The following PAGE2 variants were observed in gnomAD, a reference collection of about 807,000 sequenced individuals.
The protein encoded by PAGE2 is P antigen family member 2.
Under a neutral mutation model 7.5 loss-of-function variants are expected in PAGE2, and 6 were observed. The observed-to-expected ratio is 0.80, with a 90% CI of 0.44 to 1.57. The LOEUF (loss-of-function observed/expected upper bound fraction) is 1.57. Among genes scored for constraint, PAGE2 ranks in the 40% most tolerant of loss-of-function variants. PAGE2 has a pLI of 0.01. For synonymous variants in PAGE2, 22 were observed against 25.4 expected (o/e 0.87, Z 0.41); for missense variants, 72 against 76.4 (o/e 0.94, Z 0.21).
At chrX:55,090,798 T>C (rs3002387) in intron 3 of PAGE2, among the ~76,000 whole-genome samples, 188 bp downstream of exon 3, 7,481 of 106,950 alleles carry the variant, frequency 0.07, 1,008 homozygotes, top group African/African-American at 0.25. Context: ...ACCACTTTGA[T>C]GGAGGCTTTT....
At chrX:55,091,551 T>C (rs1377067105) in intron 4 of PAGE2, 94 bp downstream of exon 4, 2 of 1,144,728 alleles carry the variant, frequency 1.7e-6, no homozygotes, top group Admixed American at 4.9e-5. Context: ...TTTAATATCA[T>C]ACTTCACGTC....
At chrX:55,089,683 C>A (rs1400943349) in intron 1 of PAGE2, among the ~76,000 whole-genome samples, 1 of 110,497 alleles carries the variant, frequency 9.1e-6, no homozygotes, top group East Asian at 2.8e-4. Flanking sequence ...CAGAGTGGGA[C>A]AAAAGCAGTA....
intron 1 of PAGE2, 146 bp from the exon 2 acceptor site, chrX:55,089,867 G>A: frequency 2.2e-6 from 1 of 458,556 alleles, no homozygotes; most frequent in Non-Finnish European, 3.7e-6. Context: ...TGATTCGAAA[G>A]CATGTGTACT....
In PAGE2 at chrX:55,090,355, TATCTATCTATC is replaced by T. The variant is rs1267802284; in HGVS notation, c.85-135_85-125del. The T allele has an allele frequency of 5.1e-5, 30 of 585,307 alleles. 1 individual carries two copies. The African/African-American group carries it at 5.1e-4, about 10-fold the overall frequency. 48.2% of individuals were successfully genotyped at this position (585,307 alleles called of 1,213,427 possible). A position where few individuals can be genotyped will look rare whatever the true frequency, so the allele number is the denominator to read the frequency against. On this transcript the variant is annotated intron_variant, in intron 2 of 4. Coordinates refer to ENST00000374968, the MANE Select transcript of PAGE2 (RefSeq NM_207339.4). The stretch of plus-strand genomic sequence containing the variant: ...CTATCTATCTATCTATCTATCTATC[TATCTATCTATC>T]ATCTATCTATCTATATGTGTGTGTA...
intron 2 of PAGE2, 148 bp from the exon 3 acceptor site, chrX:55,090,354 C>A: frequency 1.7e-6 from 1 of 581,041 alleles, no homozygotes; most frequent in South Asian, 3.1e-5. Flanking sequence ...ATCTATCTAT[C>A]TATCTATCTA....
chrX:55,090,328 GTCTATCTA>G lies in PAGE2; in HGVS notation c.85-143_85-136del, dbSNP rs35160510. 8.2e-4 allele frequency among the ~76,000 whole-genome samples: 84 copies of G among 102,046 alleles called. 2 individuals are homozygous for G. The highest frequency in any genetic ancestry group is 2.2e-3 in the African/African-American group (55 of 25,286). 88.6% of individuals were successfully genotyped at this position (102,046 alleles called of 115,157 possible). ...TCTCTATGTATGTATCTGTCTGTCT[GTCTATCTA>G]TCTATCTATCTATCTATCTATCTAT... is the stretch of plus-strand genomic sequence containing the variant. On this transcript the variant is annotated intron_variant, in intron 2 of 4. Transcript: ENST00000374968.
chrX:55,090,491 T>TAAA lies in PAGE2; in HGVS notation c.85-10_85-9insAAA. 1 of 1,186,291 alleles carries TAAA rather than the reference T, an allele frequency of 8.4e-7. No individual in the cohort carries two copies. Among genetic ancestry groups the TAAA allele is most frequent in the South Asian group, 1.8e-5 (1 of 54,891 alleles). On this transcript the variant is annotated splice_polypyrimidine_tract_variant and intron_variant, in intron 2 of 4. Transcript: ENST00000374968. ...TTGACTTTTTATTCACACACACACT[T>TAAA]ACACCCTTAGGTCCAGGAGCCCACT... is the stretch of plus-strand genomic sequence containing the variant.
At chrX:55,089,938 A>G in intron 1 of PAGE2, 75 bp from the exon 2 acceptor site, 1 of 800,279 alleles carries the variant, frequency 1.2e-6, no homozygotes, top group Non-Finnish European at 1.8e-6. Flanking sequence ...ACAAATCACC[A>G]TTTTGCCGTG....
intron 1 of PAGE2, 157 bp downstream of exon 1, chrX:55,089,260 ATGGGACTTG>A (rs1474393455): frequency 9.0e-6 from 1 of 111,219 alleles, no homozygotes; most frequent in East Asian, 2.8e-4. Flanking sequence ...CGACGCCACC[ATGGGACTTG>A]TCCTGACTGG....
intron 3 of PAGE2, 74 bp from the exon 4 acceptor site, chrX:55,091,258 G>A (rs1936653170): frequency 8.4e-7 from 1 of 1,183,547 alleles, no homozygotes; most frequent in Non-Finnish European, 1.1e-6. Flanking sequence ...AATGATGAGG[G>A]AATAAATACT....
chrX:55,091,356 A>G lies in PAGE2; in HGVS notation c.218A>G (p.Gln73Arg). ...GGGCCTGACATGGAAGCTTTTCAACAGGAACTGGCTCTGCTTAAGATAGAG... is the reference window on the plus strand; with the variant it reads ...GGGCCTGACATGGAAGCTTTTCAACGGGAACTGGCTCTGCTTAAGATAGAG... ...FQGPDMEAFQQELALLKIEDE... is the reference protein window; with the variant it reads ...FQGPDMEAFQRELALLKIEDE... The change falls in exon 4 of 5, where the codon CAG becomes CGG. Residue 73 changes from glutamine to arginine, a missense_variant. Physicochemically the swap from Gln to Arg is conservative, Grantham distance 43. Coordinates refer to ENST00000374968, the MANE Select transcript of PAGE2 (RefSeq NM_207339.4). 1 of 1,207,404 alleles carries G rather than the reference A, an allele frequency of 8.3e-7. No homozygotes were observed. Among genetic ancestry groups the G allele is most frequent in the South Asian group, 1.8e-5 (1 of 56,441 alleles).
chrX:55,090,066 A>G lies in PAGE2; in HGVS notation c.46A>G (p.Asn16Asp), dbSNP rs753053061. The G allele has an allele frequency of 5.0e-6, 6 of 1,203,597 alleles. No individual in the cohort carries two copies. The South Asian group carries it at 1.1e-4, about 21-fold the overall frequency. The change falls in exon 2 of 5, where the codon AAT (asparagine) becomes GAT (aspartate). Residue 16 changes from asparagine (N) to aspartate (D), a missense_variant. Transcript: ENST00000374968. ...RARSQSSERG[N>D]DQESSQPVGS... ...AAGATCCCAATCCTCAGAAAGAGGA[A>G]ATGACCAAGAGTCTTCCCAGCCGGT...
At chrX:55,090,841 C>T (rs1471327653) in intron 3 of PAGE2, among the ~76,000 whole-genome samples, 6 of 108,834 alleles carry the variant, frequency 5.5e-5, no homozygotes, top group Admixed American at 9.6e-5. Context: ...TTGCCATAAA[C>T]CTTTTTCCAG....
At chrX:55,090,301 T>C (rs1936642662) in intron 2 of PAGE2, among the ~76,000 whole-genome samples, 197 bp downstream of exon 2, 1 of 104,649 alleles carries the variant, frequency 9.6e-6, no homozygotes, top group Non-Finnish European at 1.9e-5. Flanking sequence ...TCTCTCTCTC[T>C]ATCTCTATGT....
chrX:55,091,658 G>C lies in PAGE2; in HGVS notation c.319+201G>C, dbSNP rs1188617657. Among the ~76,000 whole-genome samples the C allele has an allele frequency of 7.4e-5, 6 of 80,980 alleles. 2 individuals carry two copies. The highest frequency in any genetic ancestry group is 1.1e-4 in the Non-Finnish European group (4 of 36,764). 70.3% of individuals were successfully genotyped at this position (80,980 alleles called of 115,157 possible). A position where few individuals can be genotyped will look rare whatever the true frequency, so the allele number is the denominator to read the frequency against. Reference sequence around the variant, plus strand: ...GTGGTGGCTCATGCTTTTAATTCCAGCACTTTGGGAGGCCGAGGCAGAAGG... The same window carrying C: ...GTGGTGGCTCATGCTTTTAATTCCACCACTTTGGGAGGCCGAGGCAGAAGG... On this transcript the variant is annotated intron_variant, in intron 4 of 4. Transcript: ENST00000374968.
intron 2 of PAGE2, 121 bp downstream of exon 2, chrX:55,090,225 A>C: frequency 2.5e-6 from 2 of 800,126 alleles, no homozygotes; most frequent in Admixed American, 3.4e-5. Context: ...ATGGCATCTC[A>C]TGAAGGAAAC....
intron 3 of PAGE2, among the ~76,000 whole-genome samples, 183 bp downstream of exon 3, chrX:55,090,793 T>C (rs780654867): frequency 9.2e-6 from 1 of 108,241 alleles, no homozygotes; most frequent in East Asian, 2.9e-4. Flanking sequence ...TTCCTACCAC[T>C]TTGATGGAGG....
At chrX:55,089,925 A>C (rs1240324263) in intron 1 of PAGE2, 88 bp from the exon 2 acceptor site, 2 of 709,783 alleles carry the variant, frequency 2.8e-6, no homozygotes, top group Admixed American at 3.3e-5. Flanking sequence ...AAATTAAAAA[A>C]GTACAAATCA....
chrX:55,089,548 C>T (rs1354557033), intron 1 of PAGE2, among the ~76,000 whole-genome samples: 1 of 109,701 alleles, frequency 9.1e-6, no homozygotes, highest in Non-Finnish European at 1.9e-5. Flanking sequence ...AGGAGCATAA[C>T]GTTCACTCTG....
Sources: allele counts gnomAD v4.1 joint callset (sites outside exome capture counted in the v4.1 genomes callset), GRCh38; gene constraint gnomAD v4.1.1; transcripts MANE v1.5; gene names NCBI Gene and HGNC (gene_info 2026-07-23, HGNC 2026-07-21).